The following PDE1A variants were observed in gnomAD, a reference collection of about 807,000 sequenced individuals.
PDE1A encodes the protein dual specificity calcium/calmodulin-dependent 3',5'-cyclic nucleotide phosphodiesterase 1A.
Under a neutral mutation model 61.7 loss-of-function variants are expected in PDE1A, and 35 were observed. That is an observed-to-expected ratio of 0.57 (90% CI 0.43 to 0.75). The LOEUF (loss-of-function observed/expected upper bound fraction) is 0.75, where lower values mean the gene tolerates loss of function less well. Ranked by LOEUF, PDE1A falls within the 30% of genes least tolerant of loss-of-function variation. The pLI is 0.00. For missense variants in PDE1A, 597 were observed against 630.6 expected (o/e 0.95, Z 0.57); for synonymous variants, 232 against 213.2 (o/e 1.09, Z -0.77).
At chr2:182,593,144 A>C in the PDE1A span, among the ~76,000 whole-genome samples, 5 of 152,244 alleles carry the variant, frequency 3.3e-5, no homozygotes, top group Non-Finnish European at 5.9e-5. Context: ...ACTGGGCACA[A>C]GTGTTGTTAA....
the PDE1A span, among the ~76,000 whole-genome samples, chr2:182,690,889 A>G: frequency 1.3e-5 from 2 of 152,182 alleles, no homozygotes; most frequent in Non-Finnish European, 2.9e-5. Context: ...CCAATAACAG[A>G]CAAACAGAGA....
intron 1 of PDE1A, among the ~76,000 whole-genome samples, chr2:182,302,787 CAACT>C (rs1372276106): frequency 6.6e-6 from 1 of 151,936 alleles, no homozygotes; most frequent in Non-Finnish European, 1.5e-5. Context: ...ACTGATTTAC[CAACT>C]AAGTTTTTTT....
At chr2:182,598,208 T>C in the PDE1A span, among the ~76,000 whole-genome samples, 2 of 152,196 alleles carry the variant, frequency 1.3e-5, no homozygotes, top group Non-Finnish European at 2.9e-5. Flanking sequence ...TAATCTTTTT[T>C]CCAGTGCTTC....
At chr2:182,492,786 A>T (rs930965102) in intron 2 of PDE1A, among the ~76,000 whole-genome samples, 2 of 152,240 alleles carry the variant, frequency 1.3e-5, no homozygotes, top group African/African-American at 4.8e-5. Context: ...AACAAGGCTA[A>T]CTAAATTTTT....
Position 182,476,648 on chromosome 2 carries a change from TGTTGCAGGATAGCAAAA to T in PDE1A, c.101+45611_101+45627del, listed in dbSNP as rs568446641. On this transcript the variant is annotated intron_variant, in intron 2 of 14. Coordinates refer to the PDE1A transcript ENST00000410103. ...CTGATTTAATAAAATTAATGTGGAA[TGTTGCAGGATAGCAAAA>T]GTAGAATCAAAGCTTATCAGAATTA... is the stretch of plus-strand genomic sequence containing the variant. 8.5e-5 allele frequency among the ~76,000 whole-genome samples: 13 copies of T among 152,060 alleles called. No homozygotes were observed. The East Asian group carries it at 1.4e-3, about 16-fold the overall frequency.
In PDE1A at chr2:182,256,372, G is replaced by A. The variant is rs565407185; in HGVS notation, c.167+7929C>T. 8.7e-3 allele frequency among the ~76,000 whole-genome samples: 1,316 copies of A among 151,488 alleles called. 11 individuals carry two copies. The highest frequency in any genetic ancestry group is 0.011 in the Non-Finnish European group (749 of 67,918). ...GTTCTTGCGATAGTTTACTGAGAAT[G>A]ATGGTTTCCAATTTCATCCATGTCC... On this transcript the variant is annotated intron_variant, in intron 2 of 13. Transcript: ENST00000351439.
At chr2:182,577,220 A>G in the PDE1A span, among the ~76,000 whole-genome samples, 1 of 152,168 alleles carries the variant, frequency 6.6e-6, no homozygotes, top group Non-Finnish European at 1.5e-5. Flanking sequence ...AGTCTACACT[A>G]CCATTATGAG....
chr2:182,446,988 A>C (rs895785000), intron 2 of PDE1A, among the ~76,000 whole-genome samples: 7 of 151,940 alleles, frequency 4.6e-5, no homozygotes, highest in African/African-American at 1.7e-4. Flanking sequence ...ATACATAGTA[A>C]ACCTGCACAA....
At chr2:182,662,352 C>CA in the PDE1A span, among the ~76,000 whole-genome samples, 3,917 of 115,494 alleles carry the variant, frequency 0.034, 179 homozygotes, top group African/African-American at 0.11. Flanking sequence ...AAAAAAAAAA[C>CA]AAAAAAAAAC....
At chr2:182,662,341 GA>G in the PDE1A span, among the ~76,000 whole-genome samples, 7 of 137,974 alleles carry the variant, frequency 5.1e-5, no homozygotes, top group South Asian at 2.2e-4. Flanking sequence ...AAAAAAAAAA[GA>G]AAAAAAAAAC....
intron 2 of PDE1A, chr2:182,241,773 G>T: frequency 7.4e-7 from 1 of 1,359,598 alleles, no homozygotes; most frequent in Non-Finnish European, 9.8e-7. Flanking sequence ...AATATTTAGA[G>T]TTGAATGTTA....
chr2:182,394,200 G>C (rs190317175), intron 1 of PDE1A, among the ~76,000 whole-genome samples: 1 of 152,276 alleles, frequency 6.6e-6, no homozygotes, highest in Admixed American at 6.5e-5. Flanking sequence ...AAGAAAAAGA[G>C]GTTTAATGGA....
At chr2:182,349,974 C>A (rs1446773539) in intron 1 of PDE1A, among the ~76,000 whole-genome samples, 1 of 151,864 alleles carries the variant, frequency 6.6e-6, no homozygotes, top group African/African-American at 2.4e-5. Flanking sequence ...ACCTGATGAG[C>A]TTTTCTAGAT....
chr2:182,361,189 A>G (rs1699484969), intron 1 of PDE1A, among the ~76,000 whole-genome samples: 1 of 152,102 alleles, frequency 6.6e-6, no homozygotes, highest in Non-Finnish European at 1.5e-5. Context: ...TTTTTCTAAC[A>G]TCACTATGAG....
chr2:182,459,473 C>T (rs1441942150), intron 2 of PDE1A, among the ~76,000 whole-genome samples: 3 of 152,108 alleles, frequency 2.0e-5, no homozygotes, highest in Non-Finnish European at 2.9e-5. Flanking sequence ...AATTCATTAA[C>T]GCCTGTGTTT....
At chr2:182,437,850 A>G (rs1684538856) in intron 2 of PDE1A, among the ~76,000 whole-genome samples, 1 of 151,848 alleles carries the variant, frequency 6.6e-6, no homozygotes, top group East Asian at 1.9e-4. Context: ...TCCAGTGATA[A>G]GCATCAAGTG....
At chr2:182,293,168 G>A (rs1694650277) in intron 1 of PDE1A, among the ~76,000 whole-genome samples, 1 of 151,964 alleles carries the variant, frequency 6.6e-6, no homozygotes, top group South Asian at 2.1e-4. Flanking sequence ...CCCTCTGTAA[G>A]AATTATTTAA....
At chr2:182,668,170 C>A in the PDE1A span, among the ~76,000 whole-genome samples, 3 of 152,036 alleles carry the variant, frequency 2.0e-5, no homozygotes, top group Non-Finnish European at 4.4e-5. Context: ...TTAAGAGTAG[C>A]CTGAGGTAGC....
In PDE1A at chr2:182,206,466, G is replaced by A. The variant is rs574936857; in HGVS notation, c.777-401C>T. Among the ~76,000 whole-genome samples the A allele has an allele frequency of 1.0e-3, 153 of 152,192 alleles. 1 individual carries two copies. Among genetic ancestry groups the A allele is most frequent in the African/African-American group, 2.7e-3 (112 of 41,524 alleles). The stretch of plus-strand genomic sequence containing the variant: ...ACTCTTGGTGTTGTACATTCTATGC[G>A]TTTAGACAAGTGAATAATGACATGT... On this transcript the variant is annotated intron_variant, in intron 7 of 13. Coordinates refer to ENST00000351439, the Ensembl canonical transcript of PDE1A.
Sources: allele counts gnomAD v4.1 joint callset (sites outside exome capture counted in the v4.1 genomes callset), GRCh38; gene constraint gnomAD v4.1.1; transcripts MANE v1.5; gene names NCBI Gene and HGNC (gene_info 2026-07-23, HGNC 2026-07-21).